The following LDB3 variants were observed in gnomAD, a reference collection of about 807,000 sequenced individuals.
The protein encoded by LDB3 is LIM domain-binding protein 3.
Under a neutral mutation model 69.0 loss-of-function variants are expected in LDB3, and 49 were observed. The ratio of observed to expected loss-of-function variants is 0.71; its 90% CI spans 0.56 to 0.90. The LOEUF (loss-of-function observed/expected upper bound fraction) is 0.90. Among genes scored for constraint, LDB3 ranks in the 40% least tolerant of loss-of-function variants. The pLI is 0.00. For missense variants in LDB3, 928 were observed against 974.1 expected, an observed-to-expected ratio of 0.95 and a Z score of 0.63; for synonymous variants, 387 against 396.2, an observed-to-expected ratio of 0.98 and a Z score of 0.28.
At chr10:86,695,143 G>C (rs1373022188) in intron 7 of LDB3, among the ~76,000 whole-genome samples, 1 of 1,304 alleles carries the variant, frequency 7.7e-4, no homozygotes, top group African/African-American at 8.1e-4. Context: ...TCTCCTTCCT[G>C]GTGCTGTGTG....
At chr10:86,670,479 C>T (rs1173241226) in intron 2 of LDB3, among the ~76,000 whole-genome samples, 1 of 152,186 alleles carries the variant, frequency 6.6e-6, no homozygotes, top group Non-Finnish European at 1.5e-5. Flanking sequence ...CATCTCGAGG[C>T]CTCCTGCTGG....
In LDB3 at chr10:86,679,286, C is replaced by T. The variant is rs1023237948; in HGVS notation, c.94-81C>T. On this transcript the variant is annotated intron_variant, in intron 2 of 13. Coordinates refer to ENST00000361373, the MANE Select transcript of LDB3 (RefSeq NM_007078.3). The stretch of plus-strand genomic sequence containing the variant: ...AATGACGGCTTCTGTTGAATACTCC[C>T]GGGTGACTCTTCCCCAAGGACTGGC... 50 of 1,540,176 alleles carry T rather than the reference C, an allele frequency of 3.2e-5. No individual in the cohort carries two copies. The Admixed American group carries it at 6.5e-4, about 20-fold the overall frequency.
chr10:86,733,680 C>G lies in LDB3; in HGVS notation c.*704C>G, dbSNP rs1025206510. 6.6e-6 allele frequency: 1 copy of G among 152,334 alleles called. No individual in the cohort carries two copies. The highest frequency in any genetic ancestry group is 2.4e-5 in the African/African-American group (1 of 41,460). The allele number at this position is 152,334 out of a possible 1,614,324, so 9.4% of individuals were successfully genotyped here. Reference sequence around the variant, plus strand: ...AGAAAAGATGGCCCTGTCAGCCACCCTCTCTCAGTCTGAAACATCCAACAT... The same window carrying G: ...AGAAAAGATGGCCCTGTCAGCCACCGTCTCTCAGTCTGAAACATCCAACAT... On this transcript the variant is annotated 3_prime_UTR_variant, in exon 14 of 14. Coordinates refer to ENST00000361373, the MANE Select transcript of LDB3 (RefSeq NM_007078.3).
At position 86,687,342 on chromosome 10, in the gene LDB3, A is replaced by G. The variant is rs1845538749; in HGVS notation, c.690-4554A>G. 5 of 1,448,414 alleles carry G rather than the reference A, an allele frequency of 3.5e-6. No homozygotes were observed. The Admixed American group carries it at 5.0e-5, about 15-fold the overall frequency. The allele number at this position is 1,448,414 out of a possible 1,614,324, so 89.7% of individuals were successfully genotyped here. ...CGAGGGGTATGGGCCATTGGGCACC[A>G]TCGGGACCAGCTTTCTTCCCTCACG... On this transcript the variant is annotated intron_variant, in intron 5 of 13. Coordinates refer to ENST00000361373, the MANE Select transcript of LDB3 (RefSeq NM_007078.3).
At chr10:86,729,343 C>T (rs1564664327) in intron 13 of LDB3, among the ~76,000 whole-genome samples, 1 of 152,184 alleles carries the variant, frequency 6.6e-6, no homozygotes, top group Non-Finnish European at 1.5e-5. Context: ...TTCTGTCTGG[C>T]GTCGACACTT....
intron 8 of LDB3, among the ~76,000 whole-genome samples, chr10:86,708,739 G>A (rs1846535050): frequency 6.6e-6 from 1 of 152,216 alleles, no homozygotes; most frequent in Admixed American, 6.5e-5. Context: ...CCTGGTCTGG[G>A]ATGCCAGCTC....
intron 11 of LDB3, 46 bp from the exon 12 acceptor site, chr10:86,718,681 C>G (rs755860113): frequency 6.2e-7 from 1 of 1,613,872 alleles, no homozygotes; most frequent in Admixed American, 1.7e-5. Flanking sequence ...TAGTCAAGCC[C>G]GCTCCCTCTC....
intron 7 of LDB3, among the ~76,000 whole-genome samples, chr10:86,695,103 A>G (rs1221887183): frequency 1.3e-5 from 2 of 151,704 alleles, no homozygotes; most frequent in Non-Finnish European, 2.9e-5. Context: ...GGTGACACCT[A>G]CACAGTCTTA....
chr10:86,705,147 T>C (rs992369037), intron 7 of LDB3, among the ~76,000 whole-genome samples: 6 of 152,350 alleles, frequency 3.9e-5, no homozygotes, highest in African/African-American at 1.4e-4. Flanking sequence ...GGTTTATTTC[T>C]TCCTCCATGA....
In LDB3 at chr10:86,675,328, C is replaced by T. The variant is rs191067516; in HGVS notation, c.94-4039C>T. 9.9e-4 allele frequency among the ~76,000 whole-genome samples: 151 copies of T among 152,376 alleles called. 2 individuals carry two copies. Among genetic ancestry groups the T allele is most frequent in the Admixed American group, 9.6e-3 (147 of 15,308 alleles). The stretch of plus-strand genomic sequence containing the variant: ...CTCTGAGGCAGCTCCAGAGGGAGGA[C>T]AGTCAGATAGCCCTGCAGAGGGCCC... On this transcript the variant is annotated intron_variant, in intron 2 of 13. Transcript: ENST00000361373.
intron 5 of LDB3, among the ~76,000 whole-genome samples, chr10:86,688,695 A>G (rs1845618818): frequency 6.6e-6 from 1 of 152,186 alleles, no homozygotes; most frequent in Admixed American, 6.5e-5. Context: ...GCTAACAGGG[A>G]TTTCCTGTTA....
chr10:86,671,502 G>A (rs766032278), intron 2 of LDB3, among the ~76,000 whole-genome samples: 1 of 152,124 alleles, frequency 6.6e-6, no homozygotes, highest in Non-Finnish European at 1.5e-5. Flanking sequence ...TGGGAAAGGA[G>A]GGTGGCGGGG....
rs780856557 is a variant in LDB3, at chr10:86,681,612, C to A, written c.498C>A (p.Ala166=). 2.0e-5 allele frequency: 32 copies of A among 1,612,962 alleles called. No individual in the cohort carries two copies. In the South Asian group the frequency reaches 3.3e-4, roughly 17 times the overall value. Residue 166 remains alanine (A), a synonymous_variant, in exon 5 of 14, where the codon GCC becomes GCA. Transcript: ENST00000361373. ...AEASDPGPPR[A]SLRAKTSPEG... ...CCTCTGACCCTGGCCCTCCGCGGGC[C>A]AGCCTGAGGGCCAAGACCAGCCCAG...
chr10:86,706,676 G>A lies in LDB3; in HGVS notation c.1042G>A (p.Ala348Thr), dbSNP rs529277058. The change falls in exon 8 of 14, where the codon GCC becomes ACC. Residue 348 changes from alanine to threonine, a missense_variant. Physicochemically the swap from Ala to Thr is moderately conservative, Grantham distance 58 (BLOSUM62 0). Coordinates refer to ENST00000361373, the MANE Select transcript of LDB3 (RefSeq NM_007078.3). ...TAAAHTAIAS[A>T]STTAPASSPA... ...TGCTGCCCACACTGCCATCGCCTCC[G>A]CCTCCACCACAGCCCCTGCTTCAAG... is the stretch of plus-strand genomic sequence containing the variant. 7.3e-5 allele frequency: 118 copies of A among 1,612,828 alleles called. 1 individual carries two copies. The South Asian group carries it at 1.1e-3, about 15-fold the overall frequency.
chr10:86,685,709 C>G, intron 5 of LDB3: 2 of 1,614,104 alleles, frequency 1.2e-6, no homozygotes, highest in Non-Finnish European at 1.7e-6. Flanking sequence ...AAGTTAGTAT[C>G]AAAGGACAGC....
At chr10:86,714,579 G>A (rs1402724239) in intron 9 of LDB3, among the ~76,000 whole-genome samples, 9 of 137,132 alleles carry the variant, frequency 6.6e-5, no homozygotes, top group Non-Finnish European at 1.2e-4. Flanking sequence ...TTTTTGAGAT[G>A]GAGTCTTGCT....
chr10:86,735,906 A>C lies in LDB3; in HGVS notation c.*2930A>C, dbSNP rs1441326443. 4.6e-5 allele frequency: 7 copies of C among 151,412 alleles called. No individual in the cohort carries two copies. Among genetic ancestry groups the C allele is most frequent in the Admixed American group, 1.3e-4 (2 of 15,198 alleles). The allele number at this position is 151,412 out of a possible 1,614,324, so 9.4% of individuals were successfully genotyped here. Reference sequence around the variant, plus strand: ...TTATAATGTGTTAACTTTTTAACTCAGTATTCTGGCTTTGGGATTTTTTGT... The same window carrying C: ...TTATAATGTGTTAACTTTTTAACTCCGTATTCTGGCTTTGGGATTTTTTGT... On this transcript the variant is annotated 3_prime_UTR_variant, in exon 14 of 14. Coordinates refer to ENST00000361373, the MANE Select transcript of LDB3 (RefSeq NM_007078.3).
chr10:86,670,587 C>A lies in LDB3; in HGVS notation c.93+1803C>A, dbSNP rs542558496. Among the ~76,000 whole-genome samples the A allele has an allele frequency of 6.6e-5, 10 of 152,310 alleles. No homozygotes were observed. The South Asian group carries it at 1.7e-3, about 25-fold the overall frequency. On this transcript the variant is annotated intron_variant, in intron 2 of 13. Coordinates refer to ENST00000361373, the MANE Select transcript of LDB3 (RefSeq NM_007078.3). ...CACCCAGGGTCTATGTGCCACCTGG[C>A]CCCGGCCAGCCAGGGGCTTAAATGG... is the stretch of plus-strand genomic sequence containing the variant.
chr10:86,729,248 A>G (rs1167391636), intron 13 of LDB3, among the ~76,000 whole-genome samples: 1 of 152,240 alleles, frequency 6.6e-6, no homozygotes, highest in Non-Finnish European at 1.5e-5. Context: ...AAAGTAGAAC[A>G]GGACAGTATC....
Sources: allele counts gnomAD v4.1 joint callset (sites outside exome capture counted in the v4.1 genomes callset), GRCh38; gene constraint gnomAD v4.1.1; transcripts MANE v1.5; gene names NCBI Gene and HGNC (gene_info 2026-07-23, HGNC 2026-07-21).